Variants in CCDC73 observed in about 807,000 individuals in gnomAD.
The protein encoded by CCDC73 is coiled-coil domain-containing protein 73.
In CCDC73, 95 loss-of-function variants were observed where a neutral mutation model predicts 116.5. That is an observed-to-expected ratio of 0.82 (90% CI 0.69 to 0.97). The LOEUF is 0.97. Ranked by LOEUF, CCDC73 falls within the 50% of genes least tolerant of loss-of-function variation. The pLI is 0.00. For synonymous variants in CCDC73, 398 were observed against 401.3 expected, an observed-to-expected ratio of 0.99 and a Z score of 0.10; for missense variants, 1,066 against 1,206.8, an observed-to-expected ratio of 0.88 and a Z score of 1.73.
intron 5 of CCDC73, among the ~76,000 whole-genome samples, chr11:32,699,995 A>G (rs912126768): frequency 6.6e-6 from 1 of 151,380 alleles, no homozygotes; most frequent in African/African-American, 2.4e-5. Flanking sequence ...ATTTCAAAAT[A>G]TAAAATTATA....
At chr11:32,688,223 T>C (rs1189667624) in intron 6 of CCDC73, among the ~76,000 whole-genome samples, 3 of 152,126 alleles carry the variant, frequency 2.0e-5, no homozygotes, top group South Asian at 2.1e-4. Context: ...ATAAAACAAA[T>C]TGAACTATCT....
At chr11:32,723,479 A>G (rs1204498501) in intron 2 of CCDC73, among the ~76,000 whole-genome samples, 2 of 152,172 alleles carry the variant, frequency 1.3e-5, no homozygotes, top group African/African-American at 4.8e-5. Context: ...GAGTTGAGCA[A>G]TTTCGTAGGA....
At chr11:32,663,920 T>G (rs1204533606) in intron 9 of CCDC73, among the ~76,000 whole-genome samples, 2 of 152,216 alleles carry the variant, frequency 1.3e-5, no homozygotes, top group African/African-American at 2.4e-5. Flanking sequence ...AGGCCTTTTG[T>G]GCATCTATTG....
At chr11:32,733,802 C>T (rs11500260) in intron 2 of CCDC73, among the ~76,000 whole-genome samples, 1,583 of 152,006 alleles carry the variant, frequency 0.01, 27 homozygotes, top group African/African-American at 0.036. Context: ...CACTAAATGC[C>T]CACAAGAGAA....
intron 1 of CCDC73, among the ~76,000 whole-genome samples, chr11:32,773,987 G>A (rs570713033): frequency 3.3e-5 from 5 of 152,240 alleles, no homozygotes; most frequent in Non-Finnish European, 7.4e-5. Flanking sequence ...ACGGTAGGGG[G>A]TTTTATCTGG....
intron 6 of CCDC73, among the ~76,000 whole-genome samples, chr11:32,696,611 T>G (rs2133309731): frequency 6.6e-6 from 1 of 152,132 alleles, no homozygotes; most frequent in South Asian, 2.1e-4. Flanking sequence ...CATATATATT[T>G]TTTTTGTACA....
In CCDC73 at chr11:32,743,793, T is replaced by A. The variant is rs183114912; in HGVS notation, c.135+16316A>T. Among the ~76,000 whole-genome samples, 940 of 152,312 alleles carry A rather than the reference T, an allele frequency of 6.2e-3. 12 individuals are homozygous for A. The highest frequency in any genetic ancestry group is 0.022 in the African/African-American group (897 of 41,570). ...ACTTTGCTGAAGTTGCTTATCAGCT[T>A]AAGGAGATTTGGGGCTGAGATGATG... On this transcript the variant is annotated intron_variant, in intron 2 of 17. Coordinates refer to ENST00000335185, the MANE Select transcript of CCDC73 (RefSeq NM_001008391.4).
the CCDC73 span, among the ~76,000 whole-genome samples, chr11:32,828,299 A>G: frequency 6.6e-6 from 1 of 152,108 alleles, no homozygotes; most frequent in African/African-American, 2.4e-5. Flanking sequence ...ACCTGAGGTC[A>G]GGAGTTTGAG....
rs577065760 is a variant in CCDC73 at position 32,637,144 on chromosome 11, C to T, written c.1051-1314G>A. Reference sequence around the variant, plus strand: ...AAGCGAGTCTTCTGCCTCAGCCTCCCGAACAGCTGGGCTTACAGGCTTGCA... The same window carrying T: ...AAGCGAGTCTTCTGCCTCAGCCTCCTGAACAGCTGGGCTTACAGGCTTGCA... On this transcript the variant is annotated intron_variant, in intron 13 of 17. Transcript: ENST00000335185. 4.0e-5 allele frequency among the ~76,000 whole-genome samples: 6 copies of T among 151,384 alleles called. No homozygotes were observed. The East Asian group carries it at 5.8e-4, about 15-fold the overall frequency.
chr11:32,636,062 A>G (rs1374985045), intron 13 of CCDC73, among the ~76,000 whole-genome samples: 1 of 152,152 alleles, frequency 6.6e-6, no homozygotes, highest in African/African-American at 2.4e-5. Flanking sequence ...ATTTACAGGT[A>G]AGAAATACGA....
Position 32,603,031 on chromosome 11 carries a change from T to C in CCDC73, c.3031-11A>G, listed in dbSNP as rs567694150. On this transcript the variant is annotated splice_polypyrimidine_tract_variant and intron_variant, in intron 17 of 17. Transcript: ENST00000335185. Reference sequence around the variant, plus strand: ...AGGCTTTGTTTTCACCTGGGAAAGATAAACTAATTTTACCTTCGAAATTAT... The same window carrying C: ...AGGCTTTGTTTTCACCTGGGAAAGACAAACTAATTTTACCTTCGAAATTAT... 1.3e-6 allele frequency: 2 copies of C among 1,576,416 alleles called. No homozygotes were observed. The highest frequency in any genetic ancestry group is 1.4e-5 in the African/African-American group (1 of 72,682).
chr11:32,721,076 G>A (rs1849985768), intron 2 of CCDC73, among the ~76,000 whole-genome samples: 1 of 152,168 alleles, frequency 6.6e-6, no homozygotes. Context: ...CCAGCCTGGA[G>A]TGCAGTGGTG....
chr11:32,678,384 T>A (rs1041256180), intron 7 of CCDC73, among the ~76,000 whole-genome samples: 1 of 152,188 alleles, frequency 6.6e-6, no homozygotes, highest in Non-Finnish European at 1.5e-5. Context: ...AGGGTGACCT[T>A]GGGTAAATTA....
At position 32,654,870 on chromosome 11, in the gene CCDC73, G is replaced by T. The variant is rs199708000; in HGVS notation, c.748C>A (p.Gln250Lys). The T allele has an allele frequency of 1.6e-4, 258 of 1,581,850 alleles. 1 individual carries two copies. The Admixed American group carries it at 2.6e-3, about 16-fold the overall frequency. The change falls in exon 10 of 18, where the codon CAA (glutamine) becomes AAA (lysine). Residue 250 changes from glutamine to lysine, a missense_variant. Coordinates refer to ENST00000335185, the MANE Select transcript of CCDC73 (RefSeq NM_001008391.4). ...ATGTTGAGTCTTTCTTGAAGTTCTT[G>T]AAATTTTTGTTCTTTAATTGTTAGA... ...INLTIKEQKF[Q>K]ELQERLNMEL...
chr11:32,735,245 T>A (rs996223405), intron 2 of CCDC73, among the ~76,000 whole-genome samples: 33 of 152,182 alleles, frequency 2.2e-4, no homozygotes, highest in Admixed American at 1.3e-4. Context: ...TGTTTGCAGA[T>A]GACATGATTG....
intron 1 of CCDC73, among the ~76,000 whole-genome samples, chr11:32,775,337 C>A (rs1261993228): frequency 6.6e-6 from 1 of 152,178 alleles, no homozygotes; most frequent in Non-Finnish European, 1.5e-5. Flanking sequence ...TATCTTTATA[C>A]AGAATTTCCT....
chr11:32,689,107 C>T (rs545580447), intron 6 of CCDC73, among the ~76,000 whole-genome samples: 18 of 152,082 alleles, frequency 1.2e-4, no homozygotes, highest in African/African-American at 3.9e-4. Flanking sequence ...CCTACCAACA[C>T]AAAAAAATGT....
the CCDC73 span, among the ~76,000 whole-genome samples, chr11:32,815,033 G>C: frequency 6.6e-6 from 1 of 152,210 alleles, no homozygotes; most frequent in African/African-American, 2.4e-5. Context: ...TCTGGAGAGA[G>C]AGAGAATGGT....
At chr11:32,778,454 C>T (rs1301989166) in intron 1 of CCDC73, among the ~76,000 whole-genome samples, 1 of 152,146 alleles carries the variant, frequency 6.6e-6, no homozygotes, top group East Asian at 1.9e-4. Context: ...AAACTGTAAG[C>T]ACTGTAATCT....
Sources: gnomAD v4.1 joint callset for allele counts (sites outside exome capture counted in the v4.1 genomes callset) on GRCh38, gnomAD v4.1.1 for gene constraint, MANE v1.5 for transcripts, NCBI Gene and HGNC (gene_info 2026-07-23, HGNC 2026-07-21) for gene names.